Variants in FOXC2 observed in about 807,000 individuals in gnomAD.
FOXC2 encodes the protein forkhead box C2, also known as forkhead box protein C2.
A neutral mutation model predicts 7.2 loss-of-function variants in FOXC2; 7 were observed. The observed-to-expected ratio is 0.97, with a 90% CI of 0.55 to 1.81. The LOEUF is 1.81. FOXC2 is among the 40% of genes most tolerant of loss of function. FOXC2 has a pLI of 0.00. For synonymous variants in FOXC2, 436 were observed against 350.4 expected (o/e 1.24, Z -2.73); for missense variants, 846 against 741.2 (o/e 1.14, Z -1.64).
Position 86,569,605 on chromosome 16 carries a change from G to T in FOXC2, c.*764G>T, listed in dbSNP as rs1206064942. On this transcript the variant is annotated 3_prime_UTR_variant, in exon 1 of 1. Coordinates refer to ENST00000649859, the MANE Select transcript of FOXC2 (RefSeq NM_005251.3). The stretch of plus-strand genomic sequence containing the variant: ...GGTTTTGTATAGTAGGTTCCACCCT[G>T]AGTATTCCTAAAAGAAAAAAAAAAA... The T allele has an allele frequency of 7.0e-6, 1 of 143,576 alleles. No homozygotes were observed. Among genetic ancestry groups the T allele is most frequent in the African/African-American group, 3.0e-5 (1 of 33,204 alleles). The allele number at this position is 143,576 out of a possible 1,614,324, so 8.9% of individuals were successfully genotyped here.
Position 86,567,611 on chromosome 16 carries a change from G to C in FOXC2, c.276G>C (p.Lys92Asn). Residue 92 changes from lysine to asparagine, a missense_variant, in exon 1 of 1, where the codon AAG becomes AAC. This residue lies in a region of FOXC2 where 154 missense variants were observed against 134.2 expected (regional missense o/e 1.15). Coordinates refer to ENST00000649859, the MANE Select transcript of FOXC2 (RefSeq NM_005251.3). ...TMAIQNAPEKKITLNGIYQFI... is the reference protein window; with the variant it reads ...TMAIQNAPEKNITLNGIYQFI... The stretch of plus-strand genomic sequence containing the variant: ...CCATCCAGAACGCGCCCGAGAAGAA[G>C]ATCACCTTGAACGGCATCTACCAGT... 1 of 1,614,098 alleles carries C rather than the reference G, an allele frequency of 6.2e-7. No individual in the cohort carries two copies. The highest frequency in any genetic ancestry group is 8.5e-7 in the Non-Finnish European group (1 of 1,180,020).
rs779821571 is a variant in FOXC2, at chr16:86,567,945, C to T, written c.610C>T (p.Pro204Ser). 3.9e-6 allele frequency: 6 copies of T among 1,552,852 alleles called. No homozygotes were observed. The East Asian group carries it at 1.3e-4, about 35-fold the overall frequency. Reference protein sequence around the residue: ...APATPHLADAPKEAEKKVVIK... With the variant: ...APATPHLADASKEAEKKVVIK... ...GGCCACCCCCCACCTAGCGGACGCC[C>T]CCAAGGAGGCCGAGAAGAAGGTGGT... Residue 204 changes from proline to serine, a missense_variant, in exon 1 of 1, where the codon CCC becomes TCC. Pro to Ser is a moderately conservative substitution (Grantham distance 74). Transcript: ENST00000649859.
Position 86,568,915 on chromosome 16 carries a change from G to A in FOXC2, c.*74G>A. ...GCCCCGACCCAACCAGACAATTAAG[G>A]GGCTGCAGAGACGCAAAAAAGAAAC... On this transcript the variant is annotated 3_prime_UTR_variant, in exon 1 of 1. Coordinates refer to ENST00000649859, the MANE Select transcript of FOXC2 (RefSeq NM_005251.3). The surrounding 1 kb of genome is among the most constrained non-coding windows in gnomAD (Gnocchi z 5.2). The A allele has an allele frequency of 2.5e-6, 4 of 1,585,346 alleles. No individual in the cohort carries two copies. The highest frequency in any genetic ancestry group is 3.4e-6 in the Non-Finnish European group (4 of 1,162,780).
In FOXC2 at chr16:86,568,929, C is replaced by CA. The variant is rs1974244613; in HGVS notation, c.*94dup. 1.0e-5 allele frequency: 16 copies of CA among 1,552,446 alleles called. No individual in the cohort carries two copies. Among genetic ancestry groups the CA allele is most frequent in the African/African-American group, 5.5e-5 (4 of 73,024 alleles). On this transcript the variant is annotated 3_prime_UTR_variant, in exon 1 of 1. Coordinates refer to ENST00000649859, the MANE Select transcript of FOXC2 (RefSeq NM_005251.3). The surrounding 1 kb of genome is among the most constrained non-coding windows in gnomAD (Gnocchi z 5.2). ...AGACAATTAAGGGGCTGCAGAGACG[C>CA]AAAAAAGAAACAAAACATGTCCACC...
At position 86,567,469 on chromosome 16, in the gene FOXC2, C is replaced by T. The variant is rs201393006; in HGVS notation, c.134C>T (p.Pro45Leu). The part of the protein sequence containing the change: ...ASPMGVYSGH[P>L]EQYSAGMGRS... ...CCCATGGGCGTCTATTCCGGCCACC[C>T]GGAGCAGTACAGCGCGGGGATGGGC... is the stretch of plus-strand genomic sequence containing the variant. The change falls in exon 1 of 1, where the codon CCG (proline) becomes CTG (leucine). Residue 45 changes from proline to leucine, a missense_variant. Pro to Leu is a moderately conservative substitution (Grantham distance 98). Coordinates refer to ENST00000649859, the MANE Select transcript of FOXC2 (RefSeq NM_005251.3). 3 of 1,613,408 alleles carry T rather than the reference C, an allele frequency of 1.9e-6. No homozygotes were observed. Among genetic ancestry groups the T allele is most frequent in the Admixed American group, 1.7e-5 (1 of 59,990 alleles).
chr16:86,567,609 A>G lies in FOXC2; in HGVS notation c.274A>G (p.Lys92Glu). 6.2e-7 allele frequency: 1 copy of G among 1,614,080 alleles called. No homozygotes were observed. Among genetic ancestry groups the G allele is most frequent in the Non-Finnish European group, 8.5e-7 (1 of 1,179,996 alleles). Residue 92 changes from lysine to glutamate, a missense_variant, in exon 1 of 1, where the codon AAG (lysine) becomes GAG (glutamate). Physicochemically the swap from Lys to Glu is moderately conservative, Grantham distance 56 (BLOSUM62 1). Coordinates refer to ENST00000649859, the MANE Select transcript of FOXC2 (RefSeq NM_005251.3). The stretch of plus-strand genomic sequence containing the variant: ...GGCCATCCAGAACGCGCCCGAGAAG[A>G]AGATCACCTTGAACGGCATCTACCA... The part of the protein sequence containing the change: ...TMAIQNAPEK[K>E]ITLNGIYQFI...
In FOXC2 at chr16:86,569,198, G is replaced by A; in HGVS notation, c.*357G>A. The stretch of plus-strand genomic sequence containing the variant: ...GACCAAATCCCATAGCGAGCCCCTA[G>A]TGACTTTCTGTAGGGGTCCCCATAG... On this transcript the variant is annotated 3_prime_UTR_variant, in exon 1 of 1. Transcript: ENST00000649859. The A allele has an allele frequency of 2.5e-6, 1 of 393,080 alleles. No individual in the cohort carries two copies. The highest frequency in any genetic ancestry group is 6.0e-5 in the East Asian group (1 of 16,676). 24.3% of individuals were successfully genotyped at this position (393,080 alleles called of 1,614,324 possible).
Position 86,569,188 on chromosome 16 carries a change from CGA to C in FOXC2, c.*349_*350del, listed in dbSNP as rs1974248826. The stretch of plus-strand genomic sequence containing the variant: ...TTAAGTTATGGACCAAATCCCATAG[CGA>C]GCCCCTAGTGACTTTCTGTAGGGGT... On this transcript the variant is annotated 3_prime_UTR_variant, in exon 1 of 1. Transcript: ENST00000649859. 1 of 404,176 alleles carries C rather than the reference CGA, an allele frequency of 2.5e-6. No individual in the cohort carries two copies. The highest frequency in any genetic ancestry group is 4.8e-6 in the Non-Finnish European group (1 of 207,192). The allele number at this position is 404,176 out of a possible 1,614,324, so 25.0% of individuals were successfully genotyped here.
chr16:86,568,577 C>A lies in FOXC2; in HGVS notation c.1242C>A (p.Pro414=), dbSNP rs767164459. 1 of 1,589,704 alleles carries A rather than the reference C, an allele frequency of 6.3e-7. No individual in the cohort carries two copies. The highest frequency in any genetic ancestry group is 1.7e-5 in the Admixed American group (1 of 58,080). Residue 414 remains proline (P), a synonymous_variant, in exon 1 of 1, where the codon CCC becomes CCA. Transcript: ENST00000649859. The surrounding 1 kb of genome is among the most constrained non-coding windows in gnomAD (Gnocchi z 5.2). ...CCCAGCCCCAGCCGACGCCGCAGCC[C>A]GGGGCCGCCGCGGCGCAGGCGGCCT... ...PAPQPQPTPQ[P]GAAAAQAASW...
At position 86,567,925 on chromosome 16, in the gene FOXC2, C is replaced by T. The variant is rs1039275268; in HGVS notation, c.590C>T (p.Thr197Ile). ...PPAASKGAPA[T>I]PHLADAPKEA... Reference sequence around the variant, plus strand: ...GCGGCGTCCAAGGGCGCCCCGGCCACCCCCCACCTAGCGGACGCCCCCAAG... The same window carrying T: ...GCGGCGTCCAAGGGCGCCCCGGCCATCCCCCACCTAGCGGACGCCCCCAAG... Residue 197 changes from threonine to isoleucine, a missense_variant, in exon 1 of 1, where the codon ACC becomes ATC. Physicochemically the swap from Thr to Ile is moderately conservative, Grantham distance 89. This residue lies in a region of FOXC2 where 640 missense variants were observed against 503.2 expected (regional missense o/e 1.27). Transcript: ENST00000649859. The T allele has an allele frequency of 2.6e-6, 4 of 1,568,066 alleles. No homozygotes were observed. In the African/African-American group the frequency reaches 4.1e-5, roughly 16 times the overall value.
At position 86,569,076 on chromosome 16, in the gene FOXC2, A is replaced by G; in HGVS notation, c.*235A>G. On this transcript the variant is annotated 3_prime_UTR_variant, in exon 1 of 1. Transcript: ENST00000649859. ...GATCCCAGGAAACCCCTCCAAAGGG[A>G]CGCAGCCCAACAAAATGAGTATTGA... is the stretch of plus-strand genomic sequence containing the variant. The G allele has an allele frequency of 1.6e-6, 1 of 608,024 alleles. No homozygotes were observed. Among genetic ancestry groups the G allele is most frequent in the Non-Finnish European group, 3.0e-6 (1 of 334,110 alleles). 37.7% of individuals were successfully genotyped at this position (608,024 alleles called of 1,614,324 possible). A position where few individuals can be genotyped will look rare whatever the true frequency, so the allele number is the denominator to read the frequency against.
At position 86,568,714 on chromosome 16, in the gene FOXC2, G is replaced by A. The variant is rs768679048; in HGVS notation, c.1379G>A (p.Gly460Glu). 2.5e-6 allele frequency: 4 copies of A among 1,612,856 alleles called. No individual in the cohort carries two copies. The highest frequency in any genetic ancestry group is 3.4e-6 in the Non-Finnish European group (4 of 1,180,026). Residue 460 changes from glycine to glutamate, a missense_variant, in exon 1 of 1, where the codon GGG becomes GAG. Physicochemically the swap from Gly to Glu is moderately conservative, Grantham distance 98 (BLOSUM62 -2). Transcript: ENST00000649859. The surrounding 1 kb of genome is among the most constrained non-coding windows in gnomAD (Gnocchi z 5.2). ...VREMFNSHRL[G>E]IENSTLGESQ... ...GAGATGTTCAACTCCCACCGGCTGG[G>A]GATTGAGAACTCGACCCTCGGGGAG...
Position 86,569,005 on chromosome 16 carries a change from G to T in FOXC2, c.*164G>T. ...AGAGCGGGCACGCTAGCCCCCAGCC[G>T]TCTGTGAAGAGCGCAGGTAACTTTA... is the stretch of plus-strand genomic sequence containing the variant. On this transcript the variant is annotated 3_prime_UTR_variant, in exon 1 of 1. Transcript: ENST00000649859. 1 of 917,744 alleles carries T rather than the reference G, an allele frequency of 1.1e-6. No homozygotes were observed. The allele number at this position is 917,744 out of a possible 1,614,324, so 56.9% of individuals were successfully genotyped here.
chr16:86,567,597 G>T lies in FOXC2; in HGVS notation c.262G>T (p.Ala88Ser), dbSNP rs1319701826. ...IALITMAIQN[A>S]PEKKITLNGI... Reference sequence around the variant, plus strand: ...GCTCATCACCATGGCCATCCAGAACGCGCCCGAGAAGAAGATCACCTTGAA... The same window carrying T: ...GCTCATCACCATGGCCATCCAGAACTCGCCCGAGAAGAAGATCACCTTGAA... Residue 88 changes from alanine to serine, a missense_variant, in exon 1 of 1, where the codon GCG (alanine) becomes TCG (serine). Physicochemically the swap from Ala to Ser is moderately conservative, Grantham distance 99. Transcript: ENST00000649859. 3.7e-6 allele frequency: 6 copies of T among 1,614,016 alleles called. No individual in the cohort carries two copies. Among genetic ancestry groups the T allele is most frequent in the Non-Finnish European group, 5.1e-6 (6 of 1,180,040 alleles).
At position 86,567,806 on chromosome 16, in the gene FOXC2, G is replaced by A. The variant is rs563038940; in HGVS notation, c.471G>A (p.Glu157=). 23 of 1,613,970 alleles carry A rather than the reference G, an allele frequency of 1.4e-5. No homozygotes were observed. The highest frequency in any genetic ancestry group is 3.3e-4 in the Middle Eastern group (2 of 6,056). The change falls in exon 1 of 1, where the codon GAG becomes GAA. Residue 157 remains glutamate (E), a synonymous_variant. Transcript: ENST00000649859. ...TLDPDSYNMF[E]NGSFLRRRRR... is the part of the protein sequence containing the mutation. ...ACCCGGACTCCTACAACATGTTCGAGAACGGCAGCTTCCTGCGGCGCCGGC... is the reference window on the plus strand; with the variant it reads ...ACCCGGACTCCTACAACATGTTCGAAAACGGCAGCTTCCTGCGGCGCCGGC...
Position 86,567,273 on chromosome 16 carries a change from C to T in FOXC2, c.-63C>T. ...TCTCGCGCTCTCTCGCTCTCAGGGC[C>T]CCCCTCGCTCCCCCGGCCGCAGTCC... On this transcript the variant is annotated 5_prime_UTR_variant, in exon 1 of 1. Transcript: ENST00000649859. 3 of 1,594,346 alleles carry T rather than the reference C, an allele frequency of 1.9e-6. No homozygotes were observed. Among genetic ancestry groups the T allele is most frequent in the South Asian group, 1.1e-5 (1 of 90,072 alleles).
Position 86,566,956 on chromosome 16 carries a change from C to T in FOXC2, c.-380C>T, listed in dbSNP as rs1362873955. 6.6e-6 allele frequency among the ~76,000 whole-genome samples: 1 copy of T among 152,046 alleles called. No homozygotes were observed. Among genetic ancestry groups the T allele is most frequent in the African/African-American group, 2.4e-5 (1 of 41,448 alleles). ...CTGGGGGCTTGGAGAGCCTCCTGCG[C>T]CCCTCCTCGCGCGGGCCGAGGGTCC... On this transcript the variant is annotated 5_prime_UTR_variant, in exon 1 of 1. Transcript: ENST00000649859. The surrounding 1 kb of genome is among the most constrained non-coding windows in gnomAD (Gnocchi z 4.3).
chr16:86,567,938 G>A lies in FOXC2; in HGVS notation c.603G>A (p.Ala201=), dbSNP rs751882462. ...SKGAPATPHL[A]DAPKEAEKKV... ...GCGCCCCGGCCACCCCCCACCTAGCGGACGCCCCCAAGGAGGCCGAGAAGA... is the reference window on the plus strand; with the variant it reads ...GCGCCCCGGCCACCCCCCACCTAGCAGACGCCCCCAAGGAGGCCGAGAAGA... Residue 201 remains alanine (A), a synonymous_variant, in exon 1 of 1, where the codon GCG becomes GCA. Transcript: ENST00000649859. 14 of 1,563,944 alleles carry A rather than the reference G, an allele frequency of 9.0e-6. No homozygotes were observed. Among genetic ancestry groups the A allele is most frequent in the Non-Finnish European group, 1.0e-5 (12 of 1,168,244 alleles).
At position 86,568,543 on chromosome 16, in the gene FOXC2, C is replaced by A; in HGVS notation, c.1208C>A (p.Pro403Gln). ...CACCACCCGCAGGCGCCGCCGCCCC[C>A]GCCGGCTCCCCAGCCCCAGCCGACG... is the stretch of plus-strand genomic sequence containing the variant. ...GHHHPQAPPP[P>Q]PAPQPQPTPQ... is the part of the protein sequence containing the mutation. The change falls in exon 1 of 1, where the codon CCG becomes CAG. Residue 403 changes from proline to glutamine, a missense_variant. Physicochemically the swap from Pro to Gln is moderately conservative, Grantham distance 76. Around this residue, in one of 3 missense-constraint regions of FOXC2, gnomAD observed 640 missense variants for 503.2 expected, o/e 1.27. Coordinates refer to ENST00000649859, the MANE Select transcript of FOXC2 (RefSeq NM_005251.3). The surrounding 1 kb of genome is among the most constrained non-coding windows in gnomAD (Gnocchi z 5.2). 3 of 1,309,576 alleles carry A rather than the reference C, an allele frequency of 2.3e-6. No homozygotes were observed. The highest frequency in any genetic ancestry group is 2.9e-6 in the Non-Finnish European group (3 of 1,029,320). The allele number at this position is 1,309,576 out of a possible 1,614,324, so 81.1% of individuals were successfully genotyped here.
Sources: gnomAD v4.1 joint callset for allele counts (sites outside exome capture counted in the v4.1 genomes callset) on GRCh38, gnomAD v4.1.1 for gene constraint, gnomAD v4.1.1 regional missense constraint, Gnocchi (gnomAD v3.1) non-coding constraint, MANE v1.5 for transcripts, NCBI Gene and HGNC (gene_info 2026-07-23, HGNC 2026-07-21) for gene names.